Variants in PHACTR3 observed in about 807,000 individuals in gnomAD.
PHACTR3 encodes protein phosphatase 1, regulatory subunit 123.
PHACTR3 carries 16 observed loss-of-function variants against 66.8 expected under a neutral mutation model. The ratio of observed to expected loss-of-function variants is 0.24; its 90% CI spans 0.16 to 0.36. The LOEUF is 0.36. PHACTR3 is among the 10% of genes least tolerant of loss of function. The probability of loss-of-function intolerance (pLI) is 1.00; values close to 1 mark genes in which losing one functional copy is unlikely to be tolerated. For missense variants in PHACTR3, 647 were observed against 719.9 expected, an observed-to-expected ratio of 0.90 and a Z score of 1.16; for synonymous variants, 323 against 292.1, an observed-to-expected ratio of 1.11 and a Z score of -1.08.
At chr20:59,620,996 ATCT>A (rs1467077089) in intron 1 of PHACTR3, among the ~76,000 whole-genome samples, 2 of 152,190 alleles carry the variant, frequency 1.3e-5, no homozygotes, top group East Asian at 1.9e-4. Flanking sequence ...CACTGCTGTC[ATCT>A]TCTTGTTGCT....
intron 1 of PHACTR3, among the ~76,000 whole-genome samples, chr20:59,693,876 C>T (rs1224458153): frequency 2.0e-5 from 3 of 152,178 alleles, no homozygotes; most frequent in South Asian, 2.1e-4. Context: ...TACAAAGCCC[C>T]GTTAGTCCTA....
chr20:59,737,301 G>A (rs996236633), intron 1 of PHACTR3, among the ~76,000 whole-genome samples: 2 of 152,034 alleles, frequency 1.3e-5, no homozygotes, highest in Middle Eastern at 3.2e-3. Context: ...CCTTCCTCGC[G>A]TCTGTGGGGA....
At chr20:59,793,098 A>G (rs2041152288) in intron 7 of PHACTR3, among the ~76,000 whole-genome samples, 1 of 151,940 alleles carries the variant, frequency 6.6e-6, no homozygotes, top group African/African-American at 2.4e-5. Context: ...TATGTTTTCC[A>G]GGGTGCTCTT....
chr20:59,705,543 C>A (rs1014910849), intron 1 of PHACTR3, among the ~76,000 whole-genome samples: 1 of 152,096 alleles, frequency 6.6e-6, no homozygotes, highest in African/African-American at 2.4e-5. Context: ...ATGTTAAATA[C>A]CCTCTTAGTA....
intron 7 of PHACTR3, among the ~76,000 whole-genome samples, chr20:59,799,634 T>C (rs1381328394): frequency 6.6e-6 from 1 of 152,146 alleles, no homozygotes; most frequent in East Asian, 1.9e-4. Flanking sequence ...GTACATCTTT[T>C]TTAAGATTTT....
At chr20:59,612,597 G>T (rs938926561) in intron 1 of PHACTR3, among the ~76,000 whole-genome samples, 1 of 152,184 alleles carries the variant, frequency 6.6e-6, no homozygotes, top group Non-Finnish European at 1.5e-5. Context: ...TGCTGACCAG[G>T]CTGGTCTTGA....
At chr20:59,652,260 A>G (rs1181937190) in intron 1 of PHACTR3, among the ~76,000 whole-genome samples, 1 of 152,182 alleles carries the variant, frequency 6.6e-6, no homozygotes, top group African/African-American at 2.4e-5. Flanking sequence ...AGTCTCTGAT[A>G]GATGTGGTGG....
intron 1 of PHACTR3, among the ~76,000 whole-genome samples, chr20:59,611,614 T>G (rs2033848072): frequency 6.6e-6 from 1 of 152,218 alleles, no homozygotes; most frequent in Non-Finnish European, 1.5e-5. Flanking sequence ...GCTCTGATTC[T>G]GGATTTTGGG....
At chr20:59,844,958 T>C (rs1015190185) in intron 11 of PHACTR3, 2 of 376,146 alleles carry the variant, frequency 5.3e-6, no homozygotes, top group Non-Finnish European at 9.9e-6. Flanking sequence ...AAATATTATG[T>C]ATCAATAAAA....
At chr20:59,587,565 T>G (rs2033069222) in intron 1 of PHACTR3, among the ~76,000 whole-genome samples, 1 of 152,224 alleles carries the variant, frequency 6.6e-6, no homozygotes, top group African/African-American at 2.4e-5. Flanking sequence ...AGCCTGTGGG[T>G]CAGGGGTGCA....
intron 8 of PHACTR3, among the ~76,000 whole-genome samples, chr20:59,822,364 T>C (rs2042071629): frequency 7.1e-6 from 1 of 141,754 alleles, no homozygotes; most frequent in Non-Finnish European, 1.5e-5. Flanking sequence ...GGGCCTAGGA[T>C]GGGGGGAAGA....
At chr20:59,724,435 T>C (rs1291439902) in intron 1 of PHACTR3, among the ~76,000 whole-genome samples, 1 of 152,152 alleles carries the variant, frequency 6.6e-6, no homozygotes, top group East Asian at 1.9e-4. Context: ...AAAAGGCATC[T>C]GAATGGGGAG....
At chr20:59,723,082 CTTTCTTTCTTTCTTTCT>C (rs2038399767) in intron 1 of PHACTR3, among the ~76,000 whole-genome samples, 3 of 142,220 alleles carry the variant, frequency 2.1e-5, no homozygotes, top group African/African-American at 8.0e-5. Context: ...TTCTTTCTTT[CTTTCTTTCTTTCTTTCT>C]TTCTTTCTTT....
intron 1 of PHACTR3, among the ~76,000 whole-genome samples, chr20:59,727,484 G>A (rs151108730): frequency 3.3e-5 from 5 of 152,226 alleles, no homozygotes; most frequent in African/African-American, 4.8e-5. Flanking sequence ...TGTCAGAGGC[G>A]CCGTTCTTGA....
chr20:59,766,272 G>C (rs2040178657), intron 4 of PHACTR3, among the ~76,000 whole-genome samples: 1 of 152,198 alleles, frequency 6.6e-6, no homozygotes, highest in African/African-American at 2.4e-5. Flanking sequence ...CAGAGTGACA[G>C]TTCTTCCTGA....
chr20:59,678,711 G>A (rs1054617923), intron 1 of PHACTR3, among the ~76,000 whole-genome samples: 4 of 152,078 alleles, frequency 2.6e-5, no homozygotes, highest in Admixed American at 6.5e-5. Context: ...TTATTCAGGG[G>A]GAAAGTTATG....
At chr20:59,806,970 A>G (rs1053836876) in intron 8 of PHACTR3, among the ~76,000 whole-genome samples, 3 of 152,254 alleles carry the variant, frequency 2.0e-5, no homozygotes, top group Non-Finnish European at 4.4e-5. Flanking sequence ...TCACCTCTGT[A>G]TAGAGCACTT....
chr20:59,720,739 T>G (rs2038263595), intron 1 of PHACTR3, among the ~76,000 whole-genome samples: 1 of 152,230 alleles, frequency 6.6e-6, no homozygotes, highest in South Asian at 2.1e-4. Context: ...AAGTGGCCAC[T>G]TCTCCTAAAA....
At chr20:59,763,120 G>A (rs1049354198) in intron 4 of PHACTR3, among the ~76,000 whole-genome samples, 1 of 152,166 alleles carries the variant, frequency 6.6e-6, no homozygotes, top group East Asian at 1.9e-4. Context: ...TGAATCACAG[G>A]GGGGCAGTTT....
Sources: gnomAD v4.1 joint callset for allele counts (sites outside exome capture counted in the v4.1 genomes callset) on GRCh38, gnomAD v4.1.1 for gene constraint, MANE v1.5 for transcripts, NCBI Gene and HGNC (gene_info 2026-07-23, HGNC 2026-07-21) for gene names.